HAO1: variants seen among roughly 807,000 people sequenced by gnomAD.
HAO1 encodes 2-Hydroxyacid oxidase 1.
A neutral mutation model predicts 39.7 loss-of-function variants in HAO1; 34 were observed. The observed-to-expected ratio is 0.86, with a 90% CI of 0.65 to 1.14. The LOEUF is 1.14. Ranked by LOEUF, HAO1 falls within the 50% of genes most tolerant of loss-of-function variation. The pLI is 0.00. For missense variants in HAO1, 479 were observed against 464.5 expected, an observed-to-expected ratio of 1.03 and a Z score of -0.29; for synonymous variants, 172 against 173.2, an observed-to-expected ratio of 0.99 and a Z score of 0.05.
intron 4 of HAO1, among the ~76,000 whole-genome samples, chr20:7,899,472 C>A (rs1163345982): frequency 1.3e-5 from 2 of 152,070 alleles, no homozygotes; most frequent in Non-Finnish European, 2.9e-5. Context: ...ACAGTTTTAT[C>A]CTAGTCAAGA....
chr20:7,928,963 C>T (rs2050373910), intron 2 of HAO1, among the ~76,000 whole-genome samples: 1 of 152,162 alleles, frequency 6.6e-6, no homozygotes, highest in Non-Finnish European at 1.5e-5. Context: ...ATCCCTGCTC[C>T]CTTGGGTCAT....
At position 7,885,696 on chromosome 20, in the gene HAO1, G is replaced by T; in HGVS notation, c.972+10C>A. On this transcript the variant is annotated intron_variant, in intron 6 of 7. Coordinates refer to ENST00000378789, the MANE Select transcript of HAO1 (RefSeq NM_017545.3). Reference sequence around the variant, plus strand: ...GTCTATTTTATATATTCATTTCTTTGTCCAGTTACCTGGAAAGCTAAGCCC... The same window carrying T: ...GTCTATTTTATATATTCATTTCTTTTTCCAGTTACCTGGAAAGCTAAGCCC... 5 of 1,604,718 alleles carry T rather than the reference G, an allele frequency of 3.1e-6. No individual in the cohort carries two copies. The highest frequency in any genetic ancestry group is 4.3e-6 in the Non-Finnish European group (5 of 1,172,536).
chr20:7,921,428 T>C (rs1177351490), intron 2 of HAO1, among the ~76,000 whole-genome samples: 1 of 152,170 alleles, frequency 6.6e-6, no homozygotes, highest in Non-Finnish European at 1.5e-5. Context: ...CCAGTCAGAA[T>C]TACTTTTGTT....
chr20:7,919,609 G>A (rs575669526), intron 2 of HAO1, among the ~76,000 whole-genome samples: 7 of 152,264 alleles, frequency 4.6e-5, no homozygotes, highest in South Asian at 2.1e-4. Flanking sequence ...CATGAAGTAC[G>A]TTCTATCTGC....
At chr20:7,901,978 G>C (rs115821274) in intron 4 of HAO1, among the ~76,000 whole-genome samples, 2,153 of 152,302 alleles carry the variant, frequency 0.014, 49 homozygotes, top group African/African-American at 0.048. Flanking sequence ...ATTAGATGTG[G>C]AGCCTGAAGC....
At chr20:7,902,192 A>G (rs1398118155) in intron 4 of HAO1, among the ~76,000 whole-genome samples, 2 of 152,256 alleles carry the variant, frequency 1.3e-5, no homozygotes, top group Non-Finnish European at 2.9e-5. Flanking sequence ...ACTGACTCCA[A>G]TGTTGAAAAA....
chr20:7,885,436 C>A, intron 7 of HAO1, 85 bp downstream of exon 7: 1 of 864,288 alleles, frequency 1.2e-6, no homozygotes. Context: ...CACACTCTTC[C>A]CTTTCAAATT....
Position 7,888,098 on chromosome 20 carries a change from G to T in HAO1, c.814-2234C>A, listed in dbSNP as rs527662098. Among the ~76,000 whole-genome samples the T allele has an allele frequency of 2.0e-4, 30 of 152,134 alleles. No individual in the cohort carries two copies. The East Asian group carries it at 5.4e-3, about 28-fold the overall frequency. The stretch of plus-strand genomic sequence containing the variant: ...TGCTTCTTCGGGCAAGTAATTGTGG[G>T]TTTAACTCCACTGGAGTTAATCTCC... On this transcript the variant is annotated intron_variant, in intron 5 of 7. Coordinates refer to ENST00000378789, the MANE Select transcript of HAO1 (RefSeq NM_017545.3).
Position 7,921,839 on chromosome 20 carries a change from T to C in HAO1, c.290-7420A>G, listed in dbSNP as rs141622188. Among the ~76,000 whole-genome samples the C allele has an allele frequency of 1.6e-3, 240 of 152,130 alleles. 1 individual carries two copies. The highest frequency in any genetic ancestry group is 5.7e-3 in the African/African-American group (237 of 41,524). On this transcript the variant is annotated intron_variant, in intron 2 of 7. Coordinates refer to ENST00000378789, the MANE Select transcript of HAO1 (RefSeq NM_017545.3). The stretch of plus-strand genomic sequence containing the variant: ...TGCAGCTGGAAATCAATAACCTAAG[T>C]GAATTAATGTAGTAACCAAAAACCA...
chr20:7,934,386 TA>T, intron 2 of HAO1, 97 bp downstream of exon 2: 1 of 863,942 alleles, frequency 1.2e-6, no homozygotes, highest in Non-Finnish European at 1.8e-6. Flanking sequence ...TTTCTGAGTG[TA>T]AAAACATCAA....
chr20:7,899,814 T>A (rs2050213593), intron 4 of HAO1, among the ~76,000 whole-genome samples: 1 of 152,192 alleles, frequency 6.6e-6, no homozygotes, highest in Non-Finnish European at 1.5e-5. Flanking sequence ...TCATGAATCT[T>A]GGATATTTTT....
chr20:7,936,350 C>A (rs1285307657), intron 1 of HAO1, among the ~76,000 whole-genome samples: 1 of 152,092 alleles, frequency 6.6e-6, no homozygotes, highest in Admixed American at 6.5e-5. Flanking sequence ...GTTTTTATTA[C>A]CAATCATCTC....
chr20:7,901,858 A>G (rs1568512233), intron 4 of HAO1, among the ~76,000 whole-genome samples: 1 of 152,224 alleles, frequency 6.6e-6, no homozygotes, highest in Non-Finnish European at 1.5e-5. Context: ...TATCAGCATT[A>G]ACAGGAATTT....
At chr20:7,892,282 CA>C (rs1254316204) in intron 5 of HAO1, among the ~76,000 whole-genome samples, 2 of 152,078 alleles carry the variant, frequency 1.3e-5, no homozygotes, top group East Asian at 3.9e-4. Flanking sequence ...GACGGGGTTT[CA>C]CACATCGGCC....
chr20:7,939,059 A>G (rs2050427480), intron 1 of HAO1, among the ~76,000 whole-genome samples: 1 of 152,132 alleles, frequency 6.6e-6, no homozygotes, highest in Non-Finnish European at 1.5e-5. Context: ...TTTGGTGGAC[A>G]AAGTTAATAT....
intron 2 of HAO1, 80 bp downstream of exon 2, chr20:7,934,404 T>A (rs533782607): frequency 9.7e-7 from 1 of 1,028,010 alleles, no homozygotes; most frequent in Non-Finnish European, 1.4e-6. Context: ...TCAAGGAACA[T>A]ATTTGCTTGG....
chr20:7,913,677 C>T (rs917576938), intron 3 of HAO1, among the ~76,000 whole-genome samples: 23 of 152,034 alleles, frequency 1.5e-4, no homozygotes, highest in Non-Finnish European at 3.1e-4. Flanking sequence ...GAATCTTGAC[C>T]CATGGATGAA....
Position 7,883,487 on chromosome 20 carries a change from A to G in HAO1, c.*106T>C. 2 of 832,018 alleles carry G rather than the reference A, an allele frequency of 2.4e-6. No individual in the cohort carries two copies. The highest frequency in any genetic ancestry group is 4.2e-6 in the Non-Finnish European group (2 of 474,648). The allele number at this position is 832,018 out of a possible 1,614,324, so 51.5% of individuals were successfully genotyped here. A position where few individuals can be genotyped will look rare whatever the true frequency, so the allele number is the denominator to read the frequency against. ...GTTGGAAAAGAACGACACCCTTTGTATTGAAGTGGGGAATTACAGACTGTG... is the reference window on the plus strand; with the variant it reads ...GTTGGAAAAGAACGACACCCTTTGTGTTGAAGTGGGGAATTACAGACTGTG... On this transcript the variant is annotated 3_prime_UTR_variant, in exon 8 of 8. Coordinates refer to ENST00000378789, the MANE Select transcript of HAO1 (RefSeq NM_017545.3).
At chr20:7,901,644 A>G (rs2050221885) in intron 4 of HAO1, among the ~76,000 whole-genome samples, 1 of 152,164 alleles carries the variant, frequency 6.6e-6, no homozygotes, top group African/African-American at 2.4e-5. Flanking sequence ...TGTTAACACA[A>G]CCTCCACTCC....
Sources: allele counts gnomAD v4.1 joint callset (sites outside exome capture counted in the v4.1 genomes callset), GRCh38; gene constraint gnomAD v4.1.1; transcripts MANE v1.5; gene names NCBI Gene and HGNC (gene_info 2026-07-23, HGNC 2026-07-21).